DYSF: variants seen among roughly 807,000 people sequenced by gnomAD.
DYSF encodes dysferlin.
In DYSF, 212 loss-of-function variants were observed where a neutral mutation model predicts 274.9. The observed-to-expected ratio is 0.77, with a 90% CI of 0.69 to 0.86. DYSF has a LOEUF of 0.86. Among genes scored for constraint, DYSF ranks in the 40% least tolerant of loss-of-function variants. The pLI is 0.00. For missense variants in DYSF, 2,666 were observed against 2,783.2 expected (o/e 0.96, Z 0.95); for synonymous variants, 1,091 against 1,078.7 (o/e 1.01, Z -0.22).
chr2:71,551,952 CAA>C (rs1481090132), intron 19 of DYSF, among the ~76,000 whole-genome samples: 1 of 152,180 alleles, frequency 6.6e-6, no homozygotes, highest in African/African-American at 2.4e-5. Flanking sequence ...TGAAAATATT[CAA>C]AAAGTCTAGA....
intron 41 of DYSF, among the ~76,000 whole-genome samples, chr2:71,630,153 T>C (rs2152907170): frequency 6.6e-6 from 1 of 152,340 alleles, no homozygotes; most frequent in East Asian, 1.9e-4. Flanking sequence ...TTTCCATAAA[T>C]TCATGGGCCC....
chr2:71,620,664 GTA>G, intron 41 of DYSF, 55 bp downstream of exon 41: 1 of 1,285,402 alleles, frequency 7.8e-7, no homozygotes, highest in Non-Finnish European at 1.1e-6. Context: ...GGGGCTGGGG[GTA>G]GGGGGGTTAG....
At chr2:71,596,121 T>C (rs2093401390) in intron 32 of DYSF, among the ~76,000 whole-genome samples, 1 of 151,866 alleles carries the variant, frequency 6.6e-6, no homozygotes, top group Non-Finnish European at 1.5e-5. Flanking sequence ...ATGCCTTTGT[T>C]GTGTGTTTTT....
At chr2:71,497,284 CTGTT>C (rs1164379903) in intron 3 of DYSF, among the ~76,000 whole-genome samples, 14 of 152,264 alleles carry the variant, frequency 9.2e-5, no homozygotes, top group African/African-American at 3.1e-4. Flanking sequence ...TTTTTAAAGA[CTGTT>C]TGGTGGTGAT....
Position 71,456,720 on chromosome 2 carries a change from T to C in DYSF, c.88+2634T>C, listed in dbSNP as rs537177206. Among the ~76,000 whole-genome samples, 4 of 152,234 alleles carry C rather than the reference T, an allele frequency of 2.6e-5. No homozygotes were observed. The South Asian group carries it at 6.2e-4, about 24-fold the overall frequency. ...TTATCCCCCCTTAAAGATAAGGATA[T>C]TGGCCCAGAGAAGTGAAGGAGCCTG... On this transcript the variant is annotated intron_variant, in intron 1 of 54. Transcript: ENST00000258104.
intron 10 of DYSF, among the ~76,000 whole-genome samples, chr2:71,518,650 G>A (rs1471545671): frequency 6.6e-6 from 1 of 152,096 alleles, no homozygotes; most frequent in Non-Finnish European, 1.5e-5. Context: ...AGGAAAGAAA[G>A]AGCACAAGCT....
chr2:71,454,151 TCAAC>T, intron 1 of DYSF: 1 of 1,497,876 alleles, frequency 6.7e-7, no homozygotes, highest in Non-Finnish European at 9.2e-7. Context: ...GCCGCGGCTC[TCAAC>T]CCTGGAGAGC....
At chr2:71,684,227 A>G (rs2095329083) in intron 55 of DYSF, among the ~76,000 whole-genome samples, 1 of 152,232 alleles carries the variant, frequency 6.6e-6, no homozygotes, top group Non-Finnish European at 1.5e-5. Context: ...ACGAGATTAC[A>G]AATATAAGCT....
rs1574063820 is a variant in DYSF, at chr2:71,570,713, A to G, written c.3200A>G (p.Asp1067Gly). 3 of 1,614,010 alleles carry G rather than the reference A, an allele frequency of 1.9e-6. No individual in the cohort carries two copies. Among genetic ancestry groups the G allele is most frequent in the East Asian group, 2.2e-5 (1 of 44,890 alleles). Reference sequence around the variant, plus strand: ...CGCTGGGTGCGCCTGCGCAGGAGGGATCTCAGCCAAATGGAAGCACTGAAA... The same window carrying G: ...CGCTGGGTGCGCCTGCGCAGGAGGGGTCTCAGCCAAATGGAAGCACTGAAA... ...RRRWVRLRRR[D>G]LSQMEALKRH... Residue 1067 changes from aspartate (D) to glycine (G), a missense_variant, in exon 29 of 56, where the codon GAT becomes GGT. Physicochemically the swap from Asp to Gly is moderately conservative, Grantham distance 94. Transcript: ENST00000410020.
At position 71,528,654 on chromosome 2, in the gene DYSF, C is replaced by T. The variant is rs182864238; in HGVS notation, c.1380+253C>T. Among the ~76,000 whole-genome samples the T allele has an allele frequency of 1.5e-3, 230 of 151,812 alleles. 1 individual carries two copies. The highest frequency in any genetic ancestry group is 4.8e-3 in the African/African-American group (199 of 41,374). ...TAGATGTGGATGGCCCAGGAGAGGA[C>T]GTTGGATGGTGGATAGTAGAGGAAC... On this transcript the variant is annotated intron_variant, in intron 14 of 55. Transcript: ENST00000410020.
At chr2:71,611,994 C>A (rs1232688944) in intron 38 of DYSF, among the ~76,000 whole-genome samples, 1 of 152,208 alleles carries the variant, frequency 6.6e-6, no homozygotes, top group Admixed American at 6.5e-5. Flanking sequence ...TGTCCTCCCC[C>A]AGCCTGGGCC....
rs1485063550 is a variant in DYSF, at chr2:71,540,812, CCT to C, written c.1576+1574_1576+1575del. The stretch of plus-strand genomic sequence containing the variant: ...TATATATATGGATATTAACTTTTCC[CCT>C]GTCATTTATGTAGTAAATAATTCTT... On this transcript the variant is annotated intron_variant, in intron 17 of 55. Coordinates refer to ENST00000410020, the MANE Select transcript of DYSF (RefSeq NM_001130987.2). 8.6e-5 allele frequency among the ~76,000 whole-genome samples: 13 copies of C among 151,862 alleles called. No homozygotes were observed. In the East Asian group the frequency reaches 2.5e-3, roughly 29 times the overall value.
At chr2:71,559,725 A>G (rs1489045623) in intron 22 of DYSF, among the ~76,000 whole-genome samples, 1 of 152,204 alleles carries the variant, frequency 6.6e-6, no homozygotes, top group Non-Finnish European at 1.5e-5. Context: ...TGCCAGGTGC[A>G]GCTCAGGGCC....
chr2:71,519,234 G>A (rs1158825421), intron 10 of DYSF, among the ~76,000 whole-genome samples: 1 of 151,392 alleles, frequency 6.6e-6, no homozygotes, highest in African/African-American at 2.4e-5. Context: ...AACTAAGTCT[G>A]TTTACCTGGA....
intron 4 of DYSF, among the ~76,000 whole-genome samples, chr2:71,506,909 A>C (rs2152722255): frequency 6.6e-6 from 1 of 152,018 alleles, no homozygotes; most frequent in East Asian, 1.9e-4. Context: ...TAGAAGACAG[A>C]CCTGTGCTGG....
chr2:71,677,317 A>C (rs912196627), intron 52 of DYSF, among the ~76,000 whole-genome samples: 18 of 152,206 alleles, frequency 1.2e-4, no homozygotes, highest in Non-Finnish European at 2.4e-4. Context: ...ACACCTTTGC[A>C]TGGTGTTTGA....
rs1167976820 is a variant in DYSF, at chr2:71,574,232, A to G, written c.3263A>G (p.Glu1088Gly). ...GCGGAGGCGGAGGGCGAGGGCTGGG[A>G]GTACGCCTCTCTTTTTGGCTGGAAG... ...RQAEAEGEGW[E>G]YASLFGWKFH... Residue 1088 changes from glutamate (E) to glycine (G), a missense_variant, in exon 30 of 56, where the codon GAG (glutamate) becomes GGG (glycine). Physicochemically the swap from Glu to Gly is moderately conservative, Grantham distance 98. This residue lies in a region of DYSF where 1,460 missense variants were observed against 1,502.1 expected (regional missense o/e 0.97). Transcript: ENST00000410020. 1 of 1,613,740 alleles carries G rather than the reference A, an allele frequency of 6.2e-7. No individual in the cohort carries two copies. Among genetic ancestry groups the G allele is most frequent in the Admixed American group, 1.7e-5 (1 of 60,016 alleles).
At position 71,458,647 on chromosome 2, in the gene DYSF, A is replaced by T. The variant is rs148483815; in HGVS notation, c.88+4561A>T. Among the ~76,000 whole-genome samples the T allele has an allele frequency of 4.6e-3, 700 of 152,252 alleles. 4 individuals are homozygous for T. Among genetic ancestry groups the T allele is most frequent in the African/African-American group, 0.015 (611 of 41,558 alleles). ...CTCTTCAGTCCCTCTCCCCAGGCCA[A>T]ACTCACTTTCTTTCTCTACTTCCTG... On this transcript the variant is annotated intron_variant, in intron 1 of 54. Transcript: ENST00000258104.
chr2:71,621,529 C>T (rs2152896158), intron 41 of DYSF, among the ~76,000 whole-genome samples: 1 of 151,762 alleles, frequency 6.6e-6, no homozygotes, highest in East Asian at 1.9e-4. Context: ...CACATGAATA[C>T]TTTTTAAAAA....
Sources: allele counts gnomAD v4.1 joint callset (sites outside exome capture counted in the v4.1 genomes callset), GRCh38; gene constraint gnomAD v4.1.1; regional missense constraint gnomAD v4.1.1; transcripts MANE v1.5; gene names NCBI Gene and HGNC (gene_info 2026-07-23, HGNC 2026-07-21).